The following PIKFYVE variants were observed in gnomAD, a reference collection of about 807,000 sequenced individuals.
PIKFYVE encodes 1-phosphatidylinositol 3-phosphate 5-kinase.
A neutral mutation model predicts 257.9 loss-of-function variants in PIKFYVE; 122 were observed. The ratio of observed to expected loss-of-function variants is 0.47; its 90% CI spans 0.41 to 0.55. The LOEUF is 0.55. Ranked by LOEUF, PIKFYVE falls within the 20% of genes least tolerant of loss-of-function variation. PIKFYVE has a pLI of 0.00. For missense variants in PIKFYVE, 2,160 were observed against 2,536.6 expected (o/e 0.85, Z 3.19); for synonymous variants, 892 against 868.9 (o/e 1.03, Z -0.47).
chr2:208,282,076 G>T (rs1409936560), intron 5 of PIKFYVE, among the ~76,000 whole-genome samples: 7 of 152,132 alleles, frequency 4.6e-5, no homozygotes. Flanking sequence ...CATTATAGTT[G>T]TTAGCTTGAC....
intron 24 of PIKFYVE, 73 bp from the exon 25 acceptor site, chr2:208,335,233 C>A: frequency 1.0e-6 from 1 of 999,016 alleles, no homozygotes; most frequent in Non-Finnish European, 1.6e-6. Context: ...TATAGTTGAA[C>A]ATCATGATAC....
chr2:208,335,698 A>G (rs888872272), intron 25 of PIKFYVE, 95 bp from the exon 26 acceptor site: 1 of 1,031,932 alleles, frequency 9.7e-7, no homozygotes. Flanking sequence ...ACATAATTTC[A>G]ATTACATTTT....
chr2:208,329,016 A>G (rs1218189045), intron 21 of PIKFYVE, among the ~76,000 whole-genome samples: 1 of 152,224 alleles, frequency 6.6e-6, no homozygotes. Flanking sequence ...TTGCTTTATT[A>G]ATGGGTTTTA....
chr2:208,292,113 T>G (rs563117434), intron 7 of PIKFYVE, among the ~76,000 whole-genome samples: 1 of 152,268 alleles, frequency 6.6e-6, no homozygotes, highest in Non-Finnish European at 1.5e-5. Context: ...TTTGTAGCTG[T>G]CTTTCTGTTA....
At chr2:208,282,364 G>A (rs926322767) in intron 5 of PIKFYVE, among the ~76,000 whole-genome samples, 2 of 152,156 alleles carry the variant, frequency 1.3e-5, no homozygotes, top group African/African-American at 4.8e-5. Flanking sequence ...ACCAAAATAT[G>A]TATTAAGGTT....
chr2:208,320,074 T>C (rs906561875), intron 16 of PIKFYVE, among the ~76,000 whole-genome samples, 178 bp from the exon 17 acceptor site: 1 of 152,122 alleles, frequency 6.6e-6, no homozygotes, highest in East Asian at 1.9e-4. Flanking sequence ...TCTGAACATA[T>C]TATTTGCTTT....
chr2:208,348,599 AGTGTGTGTGTGTGTGTGT>A (rs35997291), intron 35 of PIKFYVE, among the ~76,000 whole-genome samples: 56 of 129,000 alleles, frequency 4.3e-4, no homozygotes, highest in Admixed American at 9.6e-4. Flanking sequence ...AAAAAAAAAA[AGTGTGTGTGTGTGTGTGT>A]GTGTGTGTGT....
chr2:208,301,266 C>G (rs555224241), intron 9 of PIKFYVE, among the ~76,000 whole-genome samples, 172 bp downstream of exon 9: 3 of 152,048 alleles, frequency 2.0e-5, no homozygotes, highest in Non-Finnish European at 4.4e-5. Flanking sequence ...GAGTTTTAAC[C>G]AGCAGAGAAC....
Position 208,301,042 on chromosome 2 carries a change from G to T in PIKFYVE, c.1156G>T (p.Val386Leu). The T allele has an allele frequency of 6.2e-7, 1 of 1,614,176 alleles. No homozygotes were observed. Among genetic ancestry groups the T allele is most frequent in the Non-Finnish European group, 8.5e-7 (1 of 1,180,012 alleles). Residue 386 changes from valine to leucine, a missense_variant, in exon 9 of 42, where the codon GTA becomes TTA. This residue lies in a region of PIKFYVE where 90 missense variants were observed against 110.6 expected (regional missense o/e 0.81). Coordinates refer to ENST00000264380, the MANE Select transcript of PIKFYVE (RefSeq NM_015040.4). ...GTTGAGAACGCATCCCAACTGCATTGTAGGAAAGGAATTAGTCAACTGGCT... is the reference window on the plus strand; with the variant it reads ...GTTGAGAACGCATCCCAACTGCATTTTAGGAAAGGAATTAGTCAACTGGCT... ...YWLRTHPNCI[V>L]GKELVNWLIR...
chr2:208,305,214 C>A (rs1694181018), intron 12 of PIKFYVE: 3 of 1,467,006 alleles, frequency 2.0e-6, no homozygotes, highest in Non-Finnish European at 2.7e-6. Context: ...CTTGTTTTCT[C>A]CCTCAGCACC....
At chr2:208,286,480 A>C (rs1001171426) in intron 6 of PIKFYVE, among the ~76,000 whole-genome samples, 3 of 152,026 alleles carry the variant, frequency 2.0e-5, no homozygotes. Context: ...AACTCTTGGA[A>C]GTTACCTGGA....
At chr2:208,299,700 A>G (rs552699551) in intron 8 of PIKFYVE, among the ~76,000 whole-genome samples, 1 of 152,380 alleles carries the variant, frequency 6.6e-6, no homozygotes, top group African/African-American at 2.4e-5. Context: ...CATGTTTGTT[A>G]TACACATGTA....
chr2:208,273,080 A>T (rs1204323605), intron 2 of PIKFYVE, among the ~76,000 whole-genome samples: 2 of 152,202 alleles, frequency 1.3e-5, no homozygotes, highest in African/African-American at 2.4e-5. Context: ...TATTTAGCAA[A>T]TGTTTATTGG....
In PIKFYVE at chr2:208,357,839, T is replaced by TA. The variant is rs1700246718; in HGVS notation, c.*2535dup. The TA allele has an allele frequency of 6.6e-6, 1 of 152,206 alleles. No individual in the cohort carries two copies. Among genetic ancestry groups the TA allele is most frequent in the African/African-American group, 2.4e-5 (1 of 41,438 alleles). 9.4% of individuals were successfully genotyped at this position (152,206 alleles called of 1,614,324 possible). A position where few individuals can be genotyped will look rare whatever the true frequency, so the allele number is the denominator to read the frequency against. On this transcript the variant is annotated 3_prime_UTR_variant, in exon 42 of 42. Coordinates refer to ENST00000264380, the MANE Select transcript of PIKFYVE (RefSeq NM_015040.4). ...AATCTTAATACTTCCTTCCTTAACA[T>TA]ACAACATGAGTCCCGAGAATAATTG...
intron 12 of PIKFYVE, among the ~76,000 whole-genome samples, chr2:208,308,298 G>A (rs1694572427): frequency 6.6e-6 from 1 of 152,068 alleles, no homozygotes; most frequent in Non-Finnish European, 1.5e-5. Flanking sequence ...CTATTTGGGA[G>A]GCTGAGGTGG....
intron 8 of PIKFYVE, among the ~76,000 whole-genome samples, chr2:208,299,347 T>C (rs1693395270): frequency 6.6e-6 from 1 of 152,086 alleles, no homozygotes; most frequent in Non-Finnish European, 1.5e-5. Flanking sequence ...TGGAGTGCAG[T>C]GGCGCAATCT....
intron 1 of PIKFYVE, chr2:208,270,037 ATTTTTTTTTT>A (rs943072206): frequency 2.7e-5 from 3 of 110,276 alleles, no homozygotes; most frequent in African/African-American, 6.9e-5. Context: ...AGACTACAGT[ATTTTTTTTTT>A]TTTTTTTTTT....
Position 208,315,213 on chromosome 2 carries a change from T to C in PIKFYVE, c.1847T>C (p.Met616Thr), listed in dbSNP as rs1380953298. 6.2e-7 allele frequency: 1 copy of C among 1,613,888 alleles called. No homozygotes were observed. The highest frequency in any genetic ancestry group is 1.3e-5 in the African/African-American group (1 of 74,940). ...ERLLSANHNH[M>T]MALLQQLLHS... ...TGTAGTTCAGCTAATCATAACCACA[T>C]GATGGCACTACTCCAGCAGTTGCTC... Residue 616 changes from methionine to threonine, a missense_variant, in exon 15 of 42, where the codon ATG becomes ACG. Around this residue, in one of 12 missense-constraint regions of PIKFYVE, gnomAD observed 346 missense variants for 365.6 expected, o/e 0.95. Transcript: ENST00000264380.
Position 208,342,656 on chromosome 2 carries a change from T to G in PIKFYVE, c.5027+7T>G, listed in dbSNP as rs772981730. The G allele has an allele frequency of 2.1e-5, 33 of 1,588,108 alleles. No individual in the cohort carries two copies. The highest frequency in any genetic ancestry group is 2.7e-5 in the African/African-American group (2 of 74,294). On this transcript the variant is annotated splice_region_variant and intron_variant, in intron 32 of 41. Coordinates refer to ENST00000264380, the MANE Select transcript of PIKFYVE (RefSeq NM_015040.4). ...TCATTGCTTTTGCTCTCAGGTATTATTCATGGGACTTTGACTTATGATGAT... is the reference window on the plus strand; with the variant it reads ...TCATTGCTTTTGCTCTCAGGTATTAGTCATGGGACTTTGACTTATGATGAT...
Sources: allele counts gnomAD v4.1 joint callset (sites outside exome capture counted in the v4.1 genomes callset), GRCh38; gene constraint gnomAD v4.1.1; regional missense constraint gnomAD v4.1.1; transcripts MANE v1.5; gene names NCBI Gene and HGNC (gene_info 2026-07-23, HGNC 2026-07-21).